Variants in ZFAT observed in about 807,000 individuals in gnomAD.
The protein encoded by ZFAT is zinc finger protein ZFAT.
Under a neutral mutation model 117.7 loss-of-function variants are expected in ZFAT, and 64 were observed. That is an observed-to-expected ratio of 0.54 (90% CI 0.44 to 0.67). The LOEUF (loss-of-function observed/expected upper bound fraction) is 0.67, where lower values mean the gene tolerates loss of function less well. Among genes scored for constraint, ZFAT ranks in the 30% least tolerant of loss-of-function variants. The pLI is 0.00. For missense variants in ZFAT, 1,433 were observed against 1,584.5 expected, an observed-to-expected ratio of 0.90 and a Z score of 1.62; for synonymous variants, 679 against 615.0, an observed-to-expected ratio of 1.10 and a Z score of -1.54.
chr8:134,614,928 A>G (rs1828610016), intron 3 of ZFAT, among the ~76,000 whole-genome samples: 1 of 152,246 alleles, frequency 6.6e-6, no homozygotes, highest in Non-Finnish European at 1.5e-5. Flanking sequence ...TGGAACTATT[A>G]CATAAGGAAG....
intron 2 of ZFAT, among the ~76,000 whole-genome samples, chr8:134,638,841 G>C (rs952440073): frequency 5.3e-5 from 8 of 152,214 alleles, no homozygotes; most frequent in African/African-American, 1.9e-4. Context: ...ATGTCCCTGA[G>C]CGAGACCAAG....
At chr8:134,748,056 A>G in the ZFAT span, among the ~76,000 whole-genome samples, 2 of 152,228 alleles carry the variant, frequency 1.3e-5, no homozygotes, top group African/African-American at 4.8e-5. Flanking sequence ...GTAGTTTTTA[A>G]AGTATTTTTT....
At chr8:134,534,583 A>T (rs1412945118) in intron 11 of ZFAT, among the ~76,000 whole-genome samples, 1 of 151,024 alleles carries the variant, frequency 6.6e-6, no homozygotes, top group Non-Finnish European at 1.5e-5. Context: ...GAAGAGGGAG[A>T]GAGAGAAGGG....
the ZFAT span, among the ~76,000 whole-genome samples, chr8:134,788,645 T>G: frequency 2.0e-5 from 3 of 152,266 alleles, no homozygotes; most frequent in East Asian, 5.8e-4. Flanking sequence ...AGGGTCCGGA[T>G]AGTCTATCAG....
rs1408171803 is a variant in ZFAT, at chr8:134,565,321, G to A, written c.2976+12C>T. 2.5e-6 allele frequency: 4 copies of A among 1,612,710 alleles called. No individual in the cohort carries two copies. Among genetic ancestry groups the A allele is most frequent in the Non-Finnish European group, 3.4e-6 (4 of 1,179,602 alleles). ...GTCTGAACATCTGCCTTCTTCTCCA[G>A]AGCCCTCTTACCTTGAAGGAGACAT... On this transcript the variant is annotated intron_variant, in intron 11 of 15. Coordinates refer to ENST00000377838, the MANE Select transcript of ZFAT (RefSeq NM_020863.4).
At position 134,637,642 on chromosome 8, in the gene ZFAT, C is replaced by G. The variant is rs1412829499; in HGVS notation, c.267G>C (p.Glu89Asp). ...GSTKKSSTEE[E>D]LAENIVSPTE... ...TCGGACTCACGATGTTTTCTGCCAG[C>G]TCCTCTTCTGTGCTGGACTTCTTCG... The change falls in exon 3 of 16, where the codon GAG becomes GAC. Residue 89 changes from glutamate (E) to aspartate (D), a missense_variant. Physicochemically the swap from Glu to Asp is conservative, Grantham distance 45 (BLOSUM62 2). Around this residue, in one of 5 missense-constraint regions of ZFAT, gnomAD observed 436 missense variants for 482.0 expected, o/e 0.90. Coordinates refer to ENST00000377838, the MANE Select transcript of ZFAT (RefSeq NM_020863.4). 2 of 1,614,100 alleles carry G rather than the reference C, an allele frequency of 1.2e-6. No homozygotes were observed. The highest frequency in any genetic ancestry group is 1.3e-5 in the African/African-American group (1 of 74,934).
intron 15 of ZFAT, among the ~76,000 whole-genome samples, chr8:134,488,005 C>G (rs1817773423): frequency 6.6e-6 from 1 of 152,208 alleles, no homozygotes; most frequent in Non-Finnish European, 1.5e-5. Flanking sequence ...GACGCCCCAC[C>G]AGGACTTGAC....
At chr8:134,768,462 AC>A in the ZFAT span, among the ~76,000 whole-genome samples, 190 of 152,124 alleles carry the variant, frequency 1.2e-3, 3 homozygotes, top group Non-Finnish European at 3.1e-4. Context: ...CATATCTAAG[AC>A]TAGCCAATTT....
At chr8:134,660,375 C>T (rs1231646377) in intron 1 of ZFAT, among the ~76,000 whole-genome samples, 2 of 152,220 alleles carry the variant, frequency 1.3e-5, no homozygotes. Context: ...AAATAAAACT[C>T]ATTACAGCAA....
At chr8:134,725,585 C>T in the ZFAT span, among the ~76,000 whole-genome samples, 1 of 152,090 alleles carries the variant, frequency 6.6e-6, no homozygotes, top group Non-Finnish European at 1.5e-5. Context: ...AAAGGATCCA[C>T]CGCCACGATC....
At chr8:134,801,225 C>T in the ZFAT span, among the ~76,000 whole-genome samples, 2 of 152,124 alleles carry the variant, frequency 1.3e-5, no homozygotes, top group African/African-American at 4.8e-5. Flanking sequence ...ATCTCAGGCA[C>T]ATCTTTCCCA....
chr8:134,826,415 T>C, the ZFAT span, among the ~76,000 whole-genome samples: 1 of 152,152 alleles, frequency 6.6e-6, no homozygotes, highest in African/African-American at 2.4e-5. Context: ...TTAAAAGTAG[T>C]TCCACAGAAA....
intron 15 of ZFAT, among the ~76,000 whole-genome samples, chr8:134,480,944 C>T (rs1240591395): frequency 6.6e-6 from 1 of 152,094 alleles, no homozygotes; most frequent in African/African-American, 2.4e-5. Flanking sequence ...GGAAAAGGTT[C>T]CTCTGGGGTG....
intron 15 of ZFAT, among the ~76,000 whole-genome samples, chr8:134,497,239 C>G (rs973143940): frequency 6.6e-6 from 1 of 152,240 alleles, no homozygotes; most frequent in African/African-American, 2.4e-5. Flanking sequence ...GTAAGGGTTG[C>G]TGTGATGTAA....
the ZFAT span, among the ~76,000 whole-genome samples, chr8:134,822,960 G>A: frequency 2.6e-5 from 4 of 151,806 alleles, no homozygotes; most frequent in Admixed American, 2.6e-4. Flanking sequence ...AAATGTGGGG[G>A]AAAAAAAGGG....
chr8:134,667,797 G>A (rs1055991593), intron 1 of ZFAT, among the ~76,000 whole-genome samples: 1 of 152,060 alleles, frequency 6.6e-6, no homozygotes, highest in Non-Finnish European at 1.5e-5. Flanking sequence ...AGTGTGAGCC[G>A]AAGCAGGGCG....
At chr8:134,645,497 A>AC (rs1830833143) in intron 2 of ZFAT, among the ~76,000 whole-genome samples, 5 of 152,162 alleles carry the variant, frequency 3.3e-5, no homozygotes, top group African/African-American at 1.2e-4. Flanking sequence ...ACACACACAC[A>AC]AAAAAGAAAA....
chr8:134,653,233 A>T (rs1831368260), intron 2 of ZFAT, among the ~76,000 whole-genome samples: 3 of 145,918 alleles, frequency 2.1e-5, no homozygotes, highest in Admixed American at 1.4e-4. Flanking sequence ...GTTTGCTACA[A>T]ATAGCAAAGA....
chr8:134,542,911 C>G (rs1331361448), intron 11 of ZFAT, among the ~76,000 whole-genome samples: 2 of 152,210 alleles, frequency 1.3e-5, no homozygotes, highest in African/African-American at 4.8e-5. Flanking sequence ...GCTCACACCT[C>G]TCTGTGATAG....
Sources: gnomAD v4.1 joint callset for allele counts (sites outside exome capture counted in the v4.1 genomes callset) on GRCh38, gnomAD v4.1.1 for gene constraint, gnomAD v4.1.1 regional missense constraint, MANE v1.5 for transcripts, NCBI Gene and HGNC (gene_info 2026-07-23, HGNC 2026-07-21) for gene names.